The following PCBP3 variants were observed in gnomAD, a reference collection of about 807,000 sequenced individuals.
The protein encoded by PCBP3 is poly(rC)-binding protein 3.
A neutral mutation model predicts 52.7 loss-of-function variants in PCBP3; 25 were observed. That is an observed-to-expected ratio of 0.47 (90% CI 0.35 to 0.66). The LOEUF is 0.66. Among genes scored for constraint, PCBP3 ranks in the 30% least tolerant of loss-of-function variants. The pLI is 0.01. For synonymous variants in PCBP3, 162 were observed against 183.0 expected, an observed-to-expected ratio of 0.89 and a Z score of 0.93; for missense variants, 391 against 490.3, an observed-to-expected ratio of 0.80 and a Z score of 1.91.
intron 5 of PCBP3, among the ~76,000 whole-genome samples, chr21:45,865,457 A>T (rs1198843377): frequency 3.3e-5 from 5 of 152,238 alleles, no homozygotes; most frequent in South Asian, 2.1e-4. Flanking sequence ...TTCCTGCAGA[A>T]ATAACGAAAT....
At chr21:45,873,629 G>T (rs1438105203) in intron 5 of PCBP3, among the ~76,000 whole-genome samples, 2 of 152,132 alleles carry the variant, frequency 1.3e-5, no homozygotes, top group Non-Finnish European at 2.9e-5. Context: ...ATTGATGAGG[G>T]GGTTCAGGTT....
rs1417575850 is a variant in PCBP3 at position 45,880,419 on chromosome 21, T to A, written c.11-15789T>A. 6.6e-6 allele frequency among the ~76,000 whole-genome samples: 1 copy of A among 152,222 alleles called. No individual in the cohort carries two copies. Among genetic ancestry groups the A allele is most frequent in the African/African-American group, 2.4e-5 (1 of 41,458 alleles). ...AGACCCCCAGCAAACCCTCAGTGAC[T>A]GTCTGAATGAAAAACGCAGGAGTGG... On this transcript the variant is annotated intron_variant, in intron 5 of 17. Coordinates refer to ENST00000681687, the MANE Select transcript of PCBP3 (RefSeq NM_001384156.1). This position sits in a 1 kb window ranked among gnomAD's most constrained non-coding sequence, Gnocchi z 5.4.
At chr21:45,814,750 T>C (rs964048265) in intron 4 of PCBP3, among the ~76,000 whole-genome samples, 1 of 109,466 alleles carries the variant, frequency 9.1e-6, no homozygotes, top group Non-Finnish European at 1.9e-5. Flanking sequence ...TGGTGAGTGA[T>C]GAGTGAGTGG....
intron 9 of PCBP3, 151 bp downstream of exon 9, chr21:45,901,264 G>C: frequency 1.5e-6 from 1 of 650,092 alleles, no homozygotes; most frequent in Non-Finnish European, 2.8e-6. Flanking sequence ...TTGCCTCCCA[G>C]GGCCTCTCCG....
intron 2 of PCBP3, among the ~76,000 whole-genome samples, chr21:45,671,215 C>T (rs2081152033): frequency 6.6e-6 from 1 of 152,128 alleles, no homozygotes; most frequent in Non-Finnish European, 1.5e-5. Flanking sequence ...AGTTATCTGC[C>T]TCAGTCCTTC....
At chr21:45,739,242 G>A (rs1451109479) in intron 3 of PCBP3, among the ~76,000 whole-genome samples, 1 of 77,916 alleles carries the variant, frequency 1.3e-5, no homozygotes, top group African/African-American at 5.3e-5. Context: ...ATCTTCATCA[G>A]CCCACCCCTT....
In PCBP3 at chr21:45,703,557, G is replaced by A. The variant is rs538038184; in HGVS notation, c.-199-31835G>A. On this transcript the variant is annotated intron_variant, in intron 2 of 17. Transcript: ENST00000681687. ...GGTGAGTTGGTCTTGAAGGGCCTTG[G>A]AGGCCGATAGGAGAATTAGACTTTT... Among the ~76,000 whole-genome samples the A allele has an allele frequency of 6.6e-5, 10 of 152,328 alleles. No homozygotes were observed. In the South Asian group the frequency reaches 2.1e-3, roughly 32 times the overall value.
At chr21:45,740,621 A>AGT (rs34229652) in intron 3 of PCBP3, among the ~76,000 whole-genome samples, 55,032 of 150,370 alleles carry the variant, frequency 0.37, 10,773 homozygotes, top group Non-Finnish European at 0.45. Context: ...TGGTGTGTGT[A>AGT]GTGTGTGTGT....
intron 2 of PCBP3, among the ~76,000 whole-genome samples, chr21:45,707,016 A>G (rs2083490245): frequency 6.6e-6 from 1 of 152,196 alleles, no homozygotes; most frequent in African/African-American, 2.4e-5. Flanking sequence ...TTTTATTTCT[A>G]GGCCCCTAAG....
chr21:45,892,298 A>G (rs571069285), intron 5 of PCBP3, among the ~76,000 whole-genome samples: 2 of 152,322 alleles, frequency 1.3e-5, no homozygotes, highest in African/African-American at 4.8e-5. Context: ...ACAAAGGGGA[A>G]GTTCCTCTAC....
intron 2 of PCBP3, among the ~76,000 whole-genome samples, chr21:45,734,361 G>A (rs766035248): frequency 5.9e-5 from 9 of 152,172 alleles, no homozygotes; most frequent in Admixed American, 6.5e-5. Flanking sequence ...TCCATGTCCA[G>A]GCAGAGACTA....
At chr21:45,861,322 T>G (rs1321277235) in intron 5 of PCBP3, among the ~76,000 whole-genome samples, 1 of 152,116 alleles carries the variant, frequency 6.6e-6, no homozygotes, top group Non-Finnish European at 1.5e-5. Context: ...GCCTGCCTGT[T>G]CTGCTTTGCC....
Position 45,891,016 on chromosome 21 carries a change from C to G in PCBP3, c.11-5192C>G, listed in dbSNP as rs369452870. Among the ~76,000 whole-genome samples the G allele has an allele frequency of 2.3e-3, 348 of 150,790 alleles. 2 individuals carry two copies. Among genetic ancestry groups the G allele is most frequent in the African/African-American group, 8.1e-3 (333 of 41,008 alleles). On this transcript the variant is annotated intron_variant, in intron 5 of 17. Transcript: ENST00000681687. ...AGATAATAGAACCTGGAACTCTGTG[C>G]ATTGCTGAGGGGAATGTAGATAATA...
At chr21:45,705,057 C>G (rs2083366488) in intron 2 of PCBP3, among the ~76,000 whole-genome samples, 1 of 152,188 alleles carries the variant, frequency 6.6e-6, no homozygotes, top group Non-Finnish European at 1.5e-5. Flanking sequence ...GTGAGGAGCT[C>G]TCTCTCTGGG....
chr21:45,684,299 G>C (rs916836579), intron 2 of PCBP3, among the ~76,000 whole-genome samples: 1 of 152,170 alleles, frequency 6.6e-6, no homozygotes, highest in African/African-American at 2.4e-5. Context: ...AGGGTATTAA[G>C]TATGAAATTT....
In PCBP3 at chr21:45,722,296, A is replaced by G. The variant is rs781357667; in HGVS notation, c.-199-13096A>G. On this transcript the variant is annotated intron_variant, in intron 2 of 17. Transcript: ENST00000681687. Reference sequence around the variant, plus strand: ...AAAATGTAAGTGGATATATGTTTGCATGTGTATGTGTGTGTAGAAGTACAA... The same window carrying G: ...AAAATGTAAGTGGATATATGTTTGCGTGTGTATGTGTGTGTAGAAGTACAA... Among the ~76,000 whole-genome samples, 8 of 152,344 alleles carry G rather than the reference A, an allele frequency of 5.3e-5. No homozygotes were observed. In the South Asian group the frequency reaches 6.2e-4, roughly 12 times the overall value.
intron 4 of PCBP3, chr21:45,831,159 C>G (rs1008405930): frequency 6.6e-6 from 1 of 152,386 alleles, no homozygotes; most frequent in East Asian, 1.9e-4. Context: ...ATCACAGGCT[C>G]ACTGAGGTGT....
chr21:45,841,043 G>A (rs913998878), intron 4 of PCBP3, among the ~76,000 whole-genome samples: 4 of 152,158 alleles, frequency 2.6e-5, no homozygotes, highest in East Asian at 1.9e-4. Flanking sequence ...GTTGTGTACC[G>A]CTTTGTAGCC....
chr21:45,683,697 C>T (rs1291560462), intron 2 of PCBP3, among the ~76,000 whole-genome samples: 1 of 151,916 alleles, frequency 6.6e-6, no homozygotes, highest in Non-Finnish European at 1.5e-5. Context: ...GAGACTAAGG[C>T]GGGCAGATCA....
Sources: gnomAD v4.1 joint callset for allele counts (sites outside exome capture counted in the v4.1 genomes callset) on GRCh38, gnomAD v4.1.1 for gene constraint, Gnocchi (gnomAD v3.1) non-coding constraint, MANE v1.5 for transcripts, NCBI Gene and HGNC (gene_info 2026-07-23, HGNC 2026-07-21) for gene names.